Variants in LRBA observed in about 807,000 individuals in gnomAD.
LRBA encodes the protein lipopolysaccharide-responsive and beige-like anchor protein.
Under a neutral mutation model 330.0 loss-of-function variants are expected in LRBA, and 176 were observed. The ratio of observed to expected loss-of-function variants is 0.53; its 90% CI spans 0.47 to 0.60. LRBA has a LOEUF of 0.60. Ranked by LOEUF, LRBA falls within the 20% of genes least tolerant of loss-of-function variation. The pLI, the probability that LRBA is intolerant of heterozygous loss-of-function variation, is 0.00. For missense variants in LRBA, 3,259 were observed against 3,444.8 expected (o/e 0.95, Z 1.35); for synonymous variants, 1,230 against 1,193.0 (o/e 1.03, Z -0.64).
intron 40 of LRBA, among the ~76,000 whole-genome samples, chr4:150,556,548 T>G (rs897340544): frequency 3.3e-5 from 5 of 152,212 alleles, no homozygotes; most frequent in Non-Finnish European, 2.9e-5. Context: ...ATTAGCCTAT[T>G]TACTTATTTA....
chr4:150,872,774 AAAAC>A lies in LRBA; in HGVS notation c.2166-23_2166-20del. On this transcript the variant is annotated intron_variant, in intron 17 of 56. Transcript: ENST00000651943. ...GATAACACTGAATGAATAAAAATTT[AAAAC>A]AAACTATTTTGAGTATAATTTTTAA... 7.7e-7 allele frequency: 1 copy of A among 1,292,308 alleles called. No individual in the cohort carries two copies. Among genetic ancestry groups the A allele is most frequent in the Non-Finnish European group, 1.1e-6 (1 of 904,878 alleles). 80.1% of individuals were successfully genotyped at this position (1,292,308 alleles called of 1,614,324 possible).
intron 41 of LRBA, among the ~76,000 whole-genome samples, chr4:150,488,268 A>G (rs970138897): frequency 5.3e-5 from 8 of 151,770 alleles, no homozygotes; most frequent in Non-Finnish European, 8.9e-5. Flanking sequence ...TAGTTAAACA[A>G]CTAACACTAA....
intron 2 of LRBA, among the ~76,000 whole-genome samples, chr4:150,937,258 C>T (rs1309560140): frequency 6.6e-6 from 1 of 152,052 alleles, no homozygotes; most frequent in Non-Finnish European, 1.5e-5. Context: ...TGCACAGGGT[C>T]TACAGTATGT....
intron 2 of LRBA, among the ~76,000 whole-genome samples, chr4:151,005,516 A>AT (rs559658070): frequency 7.1e-4 from 106 of 150,246 alleles, no homozygotes; most frequent in Admixed American, 1.7e-3. Context: ...CTAGAAAACT[A>AT]TACAGAGTAG....
chr4:150,400,765 A>G (rs1021891313), intron 47 of LRBA, among the ~76,000 whole-genome samples: 2 of 152,178 alleles, frequency 1.3e-5, no homozygotes, highest in African/African-American at 2.4e-5. Flanking sequence ...ACTTGACTCC[A>G]GGAGTTTGAG....
At chr4:150,478,692 T>C (rs1393554191) in intron 42 of LRBA, among the ~76,000 whole-genome samples, 1 of 152,194 alleles carries the variant, frequency 6.6e-6, no homozygotes, top group Non-Finnish European at 1.5e-5. Context: ...CCTGCCTTGC[T>C]TCAGGGCCTT....
At chr4:150,875,999 A>G (rs1301076897) in intron 17 of LRBA, among the ~76,000 whole-genome samples, 1 of 152,230 alleles carries the variant, frequency 6.6e-6, no homozygotes, top group African/African-American at 2.4e-5. Flanking sequence ...AAAGCAATCC[A>G]GGAGATGAAT....
chr4:150,490,419 A>T (rs1283618342), intron 41 of LRBA, among the ~76,000 whole-genome samples: 1 of 151,860 alleles, frequency 6.6e-6, no homozygotes, highest in Non-Finnish European at 1.5e-5. Context: ...TAAAACTGCA[A>T]ATTAAATTTT....
intron 2 of LRBA, among the ~76,000 whole-genome samples, chr4:150,952,813 G>A (rs768352588): frequency 8.6e-5 from 13 of 151,982 alleles, no homozygotes; most frequent in African/African-American, 3.1e-4. Context: ...TCTTCCTCCC[G>A]GAGCACAGAC....
intron 4 of LRBA, among the ~76,000 whole-genome samples, chr4:150,926,209 G>A (rs1733863983): frequency 6.6e-6 from 1 of 152,130 alleles, no homozygotes; most frequent in Admixed American, 6.5e-5. Context: ...AACATGGTGG[G>A]GCTAAGATAG....
chr4:150,453,954 G>A (rs977805390), intron 44 of LRBA, among the ~76,000 whole-genome samples: 1 of 151,872 alleles, frequency 6.6e-6, no homozygotes, highest in African/African-American at 2.4e-5. Context: ...CGATCAAAAC[G>A]ATTTAAAAGT....
chr4:150,629,340 C>T (rs1777152025), intron 37 of LRBA, among the ~76,000 whole-genome samples: 1 of 152,172 alleles, frequency 6.6e-6, no homozygotes, highest in South Asian at 2.1e-4. Flanking sequence ...AAAATAGCTC[C>T]TTTTTTTAAA....
chr4:151,009,224 T>C (rs908286557), intron 2 of LRBA, among the ~76,000 whole-genome samples: 16 of 150,998 alleles, frequency 1.1e-4, no homozygotes, highest in Non-Finnish European at 2.4e-4. Context: ...TTCTATTAGG[T>C]ATTCTAAGTA....
At chr4:150,845,748 G>T (rs1289913377) in intron 26 of LRBA, among the ~76,000 whole-genome samples, 1 of 152,174 alleles carries the variant, frequency 6.6e-6, no homozygotes, top group Non-Finnish European at 1.5e-5. Flanking sequence ...GGAACAAGAG[G>T]AGGGAAGAGA....
intron 40 of LRBA, among the ~76,000 whole-genome samples, chr4:150,545,705 T>G (rs1054075746): frequency 2.6e-5 from 4 of 152,106 alleles, no homozygotes; most frequent in Non-Finnish European, 5.9e-5. Flanking sequence ...TTTAAAGACA[T>G]AAAAAGTTAG....
chr4:150,577,293 A>G (rs1770665536), intron 40 of LRBA, among the ~76,000 whole-genome samples: 1 of 151,950 alleles, frequency 6.6e-6, no homozygotes, highest in South Asian at 2.1e-4. Context: ...ACACTAACAA[A>G]TCATATCTGG....
intron 22 of LRBA, among the ~76,000 whole-genome samples, chr4:150,853,955 T>C (rs1750927144): frequency 6.6e-6 from 1 of 152,136 alleles, no homozygotes; most frequent in Non-Finnish European, 1.5e-5. Flanking sequence ...TATTGAGCCA[T>C]AGTATAAGAG....
chr4:150,843,030 G>A (rs1325806637), intron 28 of LRBA, among the ~76,000 whole-genome samples: 3 of 152,130 alleles, frequency 2.0e-5, no homozygotes, highest in Non-Finnish European at 1.5e-5. Context: ...TAGGGTTCGT[G>A]CTCCTATGAG....
intron 42 of LRBA, among the ~76,000 whole-genome samples, chr4:150,472,779 CATA>C (rs1756291372): frequency 2.0e-5 from 3 of 152,076 alleles, no homozygotes; most frequent in South Asian, 2.1e-4. Flanking sequence ...TTTCACTAAA[CATA>C]ATGTCTTTGA....
Sources: allele counts gnomAD v4.1 joint callset (sites outside exome capture counted in the v4.1 genomes callset), GRCh38; gene constraint gnomAD v4.1.1; transcripts MANE v1.5; gene names NCBI Gene and HGNC (gene_info 2026-07-23, HGNC 2026-07-21).